Variants in CREB5 observed in about 807,000 individuals in gnomAD.
CREB5 encodes the protein cyclic AMP-responsive element-binding protein 5.
A neutral mutation model predicts 57.1 loss-of-function variants in CREB5; 19 were observed. That is an observed-to-expected ratio of 0.33 (90% CI 0.23 to 0.49). CREB5 has a LOEUF of 0.49. CREB5 is among the 20% of genes least tolerant of loss of function. The pLI is 0.99. For missense variants in CREB5, 579 were observed against 671.6 expected (o/e 0.86, Z 1.52); for synonymous variants, 238 against 238.3 (o/e 1.00, Z 0.01).
At chr7:28,640,460 G>A (rs1262908264) in intron 5 of CREB5, among the ~76,000 whole-genome samples, 1 of 152,092 alleles carries the variant, frequency 6.6e-6, no homozygotes, top group East Asian at 1.9e-4. Flanking sequence ...ATAGCTATTT[G>A]GATGTTCATT....
intron 1 of CREB5, among the ~76,000 whole-genome samples, chr7:28,356,147 T>C (rs1040409824): frequency 6.6e-6 from 1 of 152,230 alleles, no homozygotes; most frequent in African/African-American, 2.4e-5. Flanking sequence ...ACTTTTCTAA[T>C]TGAATGCAGA....
intron 5 of CREB5, among the ~76,000 whole-genome samples, chr7:28,649,436 C>A (rs1229232507): frequency 6.6e-6 from 1 of 152,202 alleles, no homozygotes; most frequent in African/African-American, 2.4e-5. Flanking sequence ...GATGTATTGT[C>A]TATGGCAGCT....
chr7:28,620,955 C>G (rs41287), intron 5 of CREB5, among the ~76,000 whole-genome samples: 3,330 of 152,182 alleles, frequency 0.022, 109 homozygotes, highest in African/African-American at 0.076. Context: ...TAAATCCCAG[C>G]CCCAAATTTG....
chr7:28,626,837 G>C (rs1269099230), intron 5 of CREB5, among the ~76,000 whole-genome samples: 1 of 152,060 alleles, frequency 6.6e-6, no homozygotes, highest in Non-Finnish European at 1.5e-5. Flanking sequence ...GAGCCTACCG[G>C]GGGCCCTTCA....
Position 28,451,206 on chromosome 7 carries a change from C to T in CREB5, c.4-36969C>T, listed in dbSNP as rs181977469. Among the ~76,000 whole-genome samples the T allele has an allele frequency of 3.4e-3, 512 of 152,194 alleles. 5 individuals are homozygous for T. The highest frequency in any genetic ancestry group is 5.2e-3 in the Admixed American group (80 of 15,288). On this transcript the variant is annotated intron_variant, in intron 1 of 10. Transcript: ENST00000357727. ...AGGGTCTCTGCTTGGTAATTCTCCT[C>T]CTGGAAGAACTCCCCCTTAATTTGT...
chr7:28,354,682 A>T (rs1251301872), intron 1 of CREB5, among the ~76,000 whole-genome samples: 1 of 152,048 alleles, frequency 6.6e-6, no homozygotes, highest in Non-Finnish European at 1.5e-5. Context: ...CTGTTGGTTG[A>T]CTCATCAACC....
chr7:28,305,690 A>G (rs1294050028), intron 1 of CREB5, among the ~76,000 whole-genome samples: 1 of 151,692 alleles, frequency 6.6e-6, no homozygotes, highest in African/African-American at 2.4e-5. Flanking sequence ...TTCATGGTGA[A>G]TATCATCTGT....
rs531072511 is a variant in CREB5, at chr7:28,425,995, C to T, written c.3+13078C>T. On this transcript the variant is annotated intron_variant, in intron 1 of 10. Transcript: ENST00000357727. ...TGGGCCCCCAGATTGAGGCTTCATG[C>T]CCTTCACTGACTTGGCCCTTTTCTT... Among the ~76,000 whole-genome samples the T allele has an allele frequency of 1.8e-4, 27 of 152,306 alleles. 1 individual carries two copies. The highest frequency in any genetic ancestry group is 6.3e-4 in the African/African-American group (26 of 41,572).
At chr7:28,361,316 C>G (rs1343688120) in intron 1 of CREB5, among the ~76,000 whole-genome samples, 2 of 152,170 alleles carry the variant, frequency 1.3e-5, no homozygotes, top group African/African-American at 2.4e-5. Flanking sequence ...ATCATCAACC[C>G]TTCCTAATTT....
At chr7:28,587,546 G>T (rs1173633573) in intron 5 of CREB5, among the ~76,000 whole-genome samples, 1 of 148,544 alleles carries the variant, frequency 6.7e-6, no homozygotes, top group Non-Finnish European at 1.5e-5. Context: ...TGTGGAGGTG[G>T]ACTGGGCTGG....
intron 1 of CREB5, among the ~76,000 whole-genome samples, chr7:28,461,235 A>G (rs1790341341): frequency 6.6e-6 from 1 of 151,864 alleles, no homozygotes; most frequent in African/African-American, 2.4e-5. Context: ...GCCTCTGAAA[A>G]AAAAAAAAAA....
At chr7:28,725,623 A>C (rs1393411035) in intron 7 of CREB5, among the ~76,000 whole-genome samples, 17 of 151,514 alleles carry the variant, frequency 1.1e-4, no homozygotes, top group African/African-American at 3.4e-4. Context: ...TGGAGACCAA[A>C]GTAATGCCAT....
intron 1 of CREB5, among the ~76,000 whole-genome samples, chr7:28,475,786 C>T (rs763501282): frequency 2.6e-5 from 4 of 152,066 alleles, no homozygotes; most frequent in South Asian, 2.1e-4. Flanking sequence ...CATATGGGGA[C>T]GTGGCCTTGC....
chr7:28,560,817 TGTGTGCGCGCGC>T (rs1341668748), intron 4 of CREB5, among the ~76,000 whole-genome samples: 4 of 94,644 alleles, frequency 4.2e-5, no homozygotes, highest in Admixed American at 4.0e-4. Flanking sequence ...CGCGTGTGTG[TGTGTGCGCGCGC>T]GCGCGTGTGT....
chr7:28,790,428 A>AAG (rs370615013), intron 7 of CREB5, among the ~76,000 whole-genome samples: 1,421 of 115,710 alleles, frequency 0.012, 11 homozygotes, highest in Middle Eastern at 0.046. Flanking sequence ...GAAAGAAAGA[A>AAG]AGAGAGAGAG....
chr7:28,765,658 G>T (rs1360075188), intron 7 of CREB5, among the ~76,000 whole-genome samples: 1 of 152,220 alleles, frequency 6.6e-6, no homozygotes, highest in African/African-American at 2.4e-5. Context: ...ATTTGGTAGA[G>T]ATACGAATGG....
intron 1 of CREB5, among the ~76,000 whole-genome samples, chr7:28,476,734 A>G (rs1028497540): frequency 7.9e-5 from 12 of 152,242 alleles, no homozygotes; most frequent in African/African-American, 2.7e-4. Context: ...CACTTCCGAA[A>G]GAATTAAAAG....
intron 1 of CREB5, among the ~76,000 whole-genome samples, chr7:28,430,334 G>A (rs1013640511): frequency 2.6e-5 from 4 of 152,184 alleles, no homozygotes; most frequent in Admixed American, 1.3e-4. Flanking sequence ...GCCAGGCACT[G>A]GGGAAATGGT....
chr7:28,407,858 C>T (rs1787617839), upstream of CREB5, among the ~76,000 whole-genome samples: 1 of 152,196 alleles, frequency 6.6e-6, no homozygotes, highest in Admixed American at 6.5e-5. Flanking sequence ...TCTAGCCAGT[C>T]CAGTCATGAT....
Sources: gnomAD v4.1 joint callset for allele counts (sites outside exome capture counted in the v4.1 genomes callset) on GRCh38, gnomAD v4.1.1 for gene constraint, MANE v1.5 for transcripts, NCBI Gene and HGNC (gene_info 2026-07-23, HGNC 2026-07-21) for gene names.